Variants in MYH11 observed in about 807,000 individuals in gnomAD.
MYH11 encodes myosin-11.
A neutral mutation model predicts 246.6 loss-of-function variants in MYH11; 80 were observed. That is an observed-to-expected ratio of 0.32 (90% CI 0.27 to 0.39). The LOEUF (loss-of-function observed/expected upper bound fraction) is 0.39. Among genes scored for constraint, MYH11 ranks in the 10% least tolerant of loss-of-function variants. The pLI is 1.00. For synonymous variants in MYH11, 1,071 were observed against 1,015.5 expected, an observed-to-expected ratio of 1.05 and a Z score of -1.04; for missense variants, 2,158 against 2,546.8, an observed-to-expected ratio of 0.85 and a Z score of 3.29.
intron 40 of MYH11, chr16:15,714,212 G>C (rs2039985597): frequency 6.5e-6 from 1 of 153,704 alleles, no homozygotes; most frequent in South Asian, 2.0e-4. Context: ...GGAGCAGGGG[G>C]GACCCCCAAG....
intron 14 of MYH11, among the ~76,000 whole-genome samples, chr16:15,755,796 G>A (rs1008961418): frequency 2.0e-5 from 3 of 152,210 alleles, no homozygotes; most frequent in African/African-American, 4.8e-5. Flanking sequence ...GCTGGGTGTG[G>A]TGGCAGGTGC....
chr16:15,832,971 T>C (rs1267020762), intron 2 of MYH11, among the ~76,000 whole-genome samples: 1 of 66,650 alleles, frequency 1.5e-5, no homozygotes, highest in Admixed American at 1.8e-4. Flanking sequence ...TTTTTTTTTT[T>C]TTTTTTTTTG....
rs10573425 is a variant in MYH11, at chr16:15,826,996, CAAAAAAAAA to C, written c.346-3594_346-3586del. 1.2e-4 allele frequency among the ~76,000 whole-genome samples: 7 copies of C among 58,002 alleles called. No individual in the cohort carries two copies. In the South Asian group the frequency reaches 2.1e-3, roughly 17 times the overall value. 38.1% of individuals were successfully genotyped at this position (58,002 alleles called of 152,430 possible). ...TGGGTGACAGAGGGAGAACCCATCT[CAAAAAAAAA>C]AAAAAAAAAAAAAAAAAGGAAACAG... On this transcript the variant is annotated intron_variant, in intron 2 of 40. Transcript: ENST00000300036.
chr16:15,765,866 C>A (rs1008227950), intron 9 of MYH11, among the ~76,000 whole-genome samples: 1 of 152,190 alleles, frequency 6.6e-6, no homozygotes, highest in African/African-American at 2.4e-5. Flanking sequence ...GAGTTGCACT[C>A]ACAGTTTTAA....
chr16:15,742,568 C>G (rs1270365362), intron 20 of MYH11, among the ~76,000 whole-genome samples: 1 of 151,946 alleles, frequency 6.6e-6, no homozygotes, highest in African/African-American at 2.4e-5. Context: ...GAGACCCCAT[C>G]TCTACAAAAA....
At position 15,719,018 on chromosome 16, in the gene MYH11, C is replaced by G. The variant is rs2040321953; in HGVS notation, c.5171+202G>C. On this transcript the variant is annotated intron_variant, in intron 36 of 40. Coordinates refer to ENST00000300036, the MANE Select transcript of MYH11 (RefSeq NM_002474.3). ...TGGTACACACCTGTAGTCTCAGCTACTCAGAAGGCTGAGGCAGGAGAATTG... is the reference window on the plus strand; with the variant it reads ...TGGTACACACCTGTAGTCTCAGCTAGTCAGAAGGCTGAGGCAGGAGAATTG... 7.9e-6 allele frequency: 5 copies of G among 629,520 alleles called. No homozygotes were observed. The Admixed American group carries it at 9.0e-5, about 11-fold the overall frequency. The allele number at this position is 629,520 out of a possible 1,614,324, so 39.0% of individuals were successfully genotyped here.
At position 15,817,265 on chromosome 16, in the gene MYH11, G is replaced by A. The variant is rs544660023; in HGVS notation, c.502+5990C>T. On this transcript the variant is annotated intron_variant, in intron 3 of 40. Transcript: ENST00000300036. ...TCAGCACTTTGGGAGGTTGAGGCGG[G>A]CAGATCACCTGAGGTCAGGAGTTTG... Among the ~76,000 whole-genome samples, 49 of 152,286 alleles carry A rather than the reference G, an allele frequency of 3.2e-4. 1 individual carries two copies. In the South Asian group the frequency reaches 1.0e-2, roughly 31 times the overall value.
intron 4 of MYH11, among the ~76,000 whole-genome samples, chr16:15,787,792 C>T (rs1274940607): frequency 6.6e-6 from 1 of 152,028 alleles, no homozygotes; most frequent in Non-Finnish European, 1.5e-5. Context: ...ATGTAAGTGC[C>T]TCTGGAGTAC....
chr16:15,706,143 G>T (rs1025415815), intron 40 of MYH11, among the ~76,000 whole-genome samples: 2 of 152,112 alleles, frequency 1.3e-5, no homozygotes, highest in Non-Finnish European at 2.9e-5. Context: ...CAGCGATCAG[G>T]AATAAATACT....
At chr16:15,804,365 T>G (rs1338777888) in intron 3 of MYH11, among the ~76,000 whole-genome samples, 4 of 151,842 alleles carry the variant, frequency 2.6e-5, no homozygotes, top group Non-Finnish European at 5.9e-5. Flanking sequence ...CTACCAAAAA[T>G]ACAAAAATTA....
intron 10 of MYH11, among the ~76,000 whole-genome samples, chr16:15,763,187 C>T (rs74009426): frequency 0.038 from 5,706 of 152,116 alleles, 347 homozygotes; most frequent in African/African-American, 0.13. Flanking sequence ...TTTATCTGGA[C>T]ATCCTGTATT....
intron 15 of MYH11, among the ~76,000 whole-genome samples, chr16:15,752,017 C>T (rs936418411): frequency 3.2e-4 from 49 of 151,998 alleles, no homozygotes; most frequent in Admixed American, 2.1e-3. Context: ...GTCTCGAACT[C>T]TTGACCTCAA....
rs2041845969 is a variant in MYH11 at position 15,760,585 on chromosome 16, G to A, written c.1203C>T (p.Ile401=). The change falls in exon 11 of 41, where the codon ATC becomes ATT. Residue 401 remains isoleucine (I), a synonymous_variant. Transcript: ENST00000300036. ...TCTGTACCACATCTCGCCCAACCTT[G>A]ATACGAGGAGTGAGGATGGATCTGG... is the stretch of plus-strand genomic sequence containing the variant. The part of the protein sequence containing the change: ...DFTRSILTPR[I]KVGRDVVQKA... 6.2e-7 allele frequency: 1 copy of A among 1,614,152 alleles called. No individual in the cohort carries two copies. The highest frequency in any genetic ancestry group is 8.5e-7 in the Non-Finnish European group (1 of 1,179,984).
intron 8 of MYH11, among the ~76,000 whole-genome samples, chr16:15,772,525 A>T (rs1312422572): frequency 6.6e-6 from 1 of 152,212 alleles, no homozygotes; most frequent in African/African-American, 2.4e-5. Context: ...ACCTTACTCC[A>T]TAATACCTGC....
intron 40 of MYH11, among the ~76,000 whole-genome samples, chr16:15,706,497 C>T (rs1330694602): frequency 6.6e-6 from 1 of 152,126 alleles, no homozygotes; most frequent in Non-Finnish European, 1.5e-5. Context: ...CTCGTGAGGT[C>T]AGTTGTTCGA....
In MYH11 at chr16:15,747,883, G is replaced by T; in HGVS notation, c.2241C>A (p.Cys747Ter). 2 of 1,613,930 alleles carry T rather than the reference G, an allele frequency of 1.2e-6. No individual in the cohort carries two copies. Among genetic ancestry groups the T allele is most frequent in the Non-Finnish European group, 1.7e-6 (2 of 1,180,000 alleles). ...PKGFMDGKQACILMIKALELD... is the reference protein window; with the variant it reads ...PKGFMDGKQA ...GGACTTCTGGGCTCACCATGAGAAT[G>T]CAGGCCTGCTTCCCGTCCATGAAGC... is the stretch of plus-strand genomic sequence containing the variant. The change falls in exon 18 of 41, where the codon TGC becomes TGA. Residue 747 changes from cysteine to a stop codon, truncating the protein, a stop_gained. Transcript: ENST00000300036. LOFTEE classifies it high-confidence loss of function.
chr16:15,806,259 T>C, intron 3 of MYH11, among the ~76,000 whole-genome samples: 1 of 108,044 alleles, frequency 9.3e-6, no homozygotes. Context: ...CCCGGGCGAG[T>C]GCAGTGAGAC....
At chr16:15,722,431 A>C (rs954299562) in intron 31 of MYH11, among the ~76,000 whole-genome samples, 10 of 152,206 alleles carry the variant, frequency 6.6e-5, no homozygotes, top group African/African-American at 2.4e-4. Context: ...AGCAGATTAT[A>C]AATTGTAACA....
chr16:15,739,937 T>G (rs1156737382), intron 23 of MYH11, 114 bp downstream of exon 23: 1 of 1,139,976 alleles, frequency 8.8e-7, no homozygotes, highest in East Asian at 2.4e-5. Flanking sequence ...AGATGGAGTT[T>G]TACCCTGTTG....
Sources: allele counts gnomAD v4.1 joint callset (sites outside exome capture counted in the v4.1 genomes callset), GRCh38; gene constraint gnomAD v4.1.1; transcripts MANE v1.5; gene names NCBI Gene and HGNC (gene_info 2026-07-23, HGNC 2026-07-21).